NAALADL2: variants seen among roughly 807,000 people sequenced by gnomAD.
NAALADL2 encodes the protein N-acetylated alpha-linked acidic dipeptidase like 2.
A neutral mutation model predicts 87.2 loss-of-function variants in NAALADL2; 76 were observed. The ratio of observed to expected loss-of-function variants is 0.87; its 90% CI spans 0.72 to 1.05. The LOEUF (loss-of-function observed/expected upper bound fraction) is 1.05. Ranked by LOEUF, NAALADL2 falls within the 50% of genes least tolerant of loss-of-function variation. The pLI is 0.00. For missense variants in NAALADL2, 1,089 were observed against 945.8 expected, an observed-to-expected ratio of 1.15 and a Z score of -1.99; for synonymous variants, 354 against 331.0, an observed-to-expected ratio of 1.07 and a Z score of -0.75.
At chr3:175,613,046 C>T (rs950909874) in intron 10 of NAALADL2, among the ~76,000 whole-genome samples, 1 of 151,978 alleles carries the variant, frequency 6.6e-6, no homozygotes, top group Non-Finnish European at 1.5e-5. Context: ...GAGACTTTGG[C>T]GTGTCTTTCC....
At chr3:174,558,899 T>C (rs1157830016) in intron 2 of NAALADL2, among the ~76,000 whole-genome samples, 1 of 152,164 alleles carries the variant, frequency 6.6e-6, no homozygotes, top group Non-Finnish European at 1.5e-5. Context: ...CTGCTTCCCC[T>C]CCACTTGCTG....
intron 11 of NAALADL2, among the ~76,000 whole-genome samples, chr3:175,627,643 A>G (rs961717234): frequency 6.6e-6 from 1 of 151,720 alleles, no homozygotes; most frequent in African/African-American, 2.4e-5. Flanking sequence ...TATTCATGGT[A>G]TGATCTTGGG....
chr3:174,856,762 G>A (rs768514076), upstream of NAALADL2, among the ~76,000 whole-genome samples: 55 of 152,072 alleles, frequency 3.6e-4, no homozygotes, highest in Non-Finnish European at 6.8e-4. Flanking sequence ...TCTACTGTAA[G>A]AACATACCTT....
intron 1 of NAALADL2, among the ~76,000 whole-genome samples, chr3:174,901,909 A>G (rs1466559935): frequency 2.0e-5 from 3 of 152,232 alleles, no homozygotes; most frequent in South Asian, 2.1e-4. Context: ...CTTACAGAAG[A>G]ACAAGAGACT....
intron 12 of NAALADL2, among the ~76,000 whole-genome samples, chr3:175,746,321 T>TG (rs1352516411): frequency 2.0e-5 from 3 of 151,582 alleles, no homozygotes; most frequent in African/African-American, 7.3e-5. Context: ...GTTTGTTTTT[T>TG]TTTTTTTTTA....
chr3:174,776,825 A>G (rs764900632), intron 3 of NAALADL2, among the ~76,000 whole-genome samples: 18 of 152,140 alleles, frequency 1.2e-4, no homozygotes, highest in Admixed American at 1.2e-3. Context: ...CTCACCATGC[A>G]TGACAAAGCT....
chr3:175,234,200 T>G lies in NAALADL2; in HGVS notation c.815T>G (p.Leu272Arg). 2 of 1,613,218 alleles carry G rather than the reference T, an allele frequency of 1.2e-6. No individual in the cohort carries two copies. Among genetic ancestry groups the G allele is most frequent in the Admixed American group, 3.3e-5 (2 of 59,940 alleles). Residue 272 changes from leucine (L) to arginine (R), a missense_variant, in exon 3 of 14, where the codon CTC becomes CGC. Physicochemically the swap from Leu to Arg is moderately radical, Grantham distance 102. Coordinates refer to ENST00000454872, the MANE Select transcript of NAALADL2 (RefSeq NM_207015.3). ...SYAAYSAKGT[L>R]KAEVIDVSYG... ...GCAGCCTATTCTGCCAAAGGAACTC[T>G]CAAGGTAATATGACCATTTGTCTCT...
chr3:174,462,980 A>T (rs1374365455), intron 1 of NAALADL2, among the ~76,000 whole-genome samples: 1 of 152,204 alleles, frequency 6.6e-6, no homozygotes, highest in African/African-American at 2.4e-5. Flanking sequence ...CTGGGCTTTA[A>T]TTAGCCATGG....
At chr3:175,280,077 A>T (rs925125896) in intron 4 of NAALADL2, among the ~76,000 whole-genome samples, 1 of 151,692 alleles carries the variant, frequency 6.6e-6, no homozygotes, top group African/African-American at 2.4e-5. Context: ...TTTAGAGAAG[A>T]TCCTGGGAAA....
chr3:175,206,880 A>G (rs1741012631), intron 2 of NAALADL2, among the ~76,000 whole-genome samples: 1 of 152,054 alleles, frequency 6.6e-6, no homozygotes, highest in Non-Finnish European at 1.5e-5. Context: ...TTTAAAACCC[A>G]ATAAAGCTAC....
chr3:175,247,513 G>A (rs748519149), intron 3 of NAALADL2, among the ~76,000 whole-genome samples: 2 of 152,014 alleles, frequency 1.3e-5, no homozygotes, highest in Non-Finnish European at 2.9e-5. Context: ...GAAAGAGGGT[G>A]TATTTCTAAT....
At chr3:175,500,324 T>A (rs1729367992) in intron 9 of NAALADL2, among the ~76,000 whole-genome samples, 3 of 152,014 alleles carry the variant, frequency 2.0e-5, no homozygotes. Context: ...TCAAGTAAGG[T>A]ATTGAAGTAG....
At chr3:175,432,686 C>T (rs1387156829) in intron 5 of NAALADL2, among the ~76,000 whole-genome samples, 2 of 151,934 alleles carry the variant, frequency 1.3e-5, no homozygotes, top group African/African-American at 4.8e-5. Context: ...CTGTCAAAGC[C>T]AGGCTCATTC....
At chr3:175,477,548 T>C (rs1549111) in intron 9 of NAALADL2, among the ~76,000 whole-genome samples, 4,905 of 152,240 alleles carry the variant, frequency 0.032, 287 homozygotes, top group African/African-American at 0.11. Flanking sequence ...CTTAATTTAC[T>C]GTACCTTCGT....
intron 4 of NAALADL2, among the ~76,000 whole-genome samples, chr3:175,267,115 G>A (rs754897959): frequency 1.3e-5 from 2 of 151,726 alleles, no homozygotes; most frequent in Non-Finnish European, 2.9e-5. Context: ...TAACAGGCAG[G>A]CAAGCATTGT....
rs1463654066 is a variant in NAALADL2 at position 174,882,670 on chromosome 3, CAT to C, written c.43+23223_43+23224del. Among the ~76,000 whole-genome samples the C allele has an allele frequency of 1.1e-4, 13 of 120,460 alleles. 1 individual carries two copies. Among genetic ancestry groups the C allele is most frequent in the African/African-American group, 1.5e-4 (4 of 27,296 alleles). 79.0% of individuals were successfully genotyped at this position (120,460 alleles called of 152,430 possible). On this transcript the variant is annotated intron_variant, in intron 1 of 13. Transcript: ENST00000454872. ...GCATATACACATATGTGCATATACA[CAT>C]ATGTGTATATGTGTATCCGTGTATA...
intron 6 of NAALADL2, among the ~76,000 whole-genome samples, chr3:175,451,217 CT>C (rs1721516642): frequency 6.6e-6 from 1 of 152,050 alleles, no homozygotes; most frequent in African/African-American, 2.4e-5. Flanking sequence ...AGCTATCTAA[CT>C]GATACAAATC....
At chr3:175,641,620 A>T (rs1323838154) in intron 11 of NAALADL2, among the ~76,000 whole-genome samples, 3 of 152,196 alleles carry the variant, frequency 2.0e-5, no homozygotes, top group African/African-American at 7.2e-5. Context: ...TTTATTGACC[A>T]TTTGGCATAA....
chr3:175,444,814 TA>T (rs1275948903), intron 5 of NAALADL2, among the ~76,000 whole-genome samples: 1 of 152,186 alleles, frequency 6.6e-6, no homozygotes, highest in Non-Finnish European at 1.5e-5. Flanking sequence ...TGCTCTTATA[TA>T]ACAAAATGGA....
Sources: allele counts gnomAD v4.1 joint callset (sites outside exome capture counted in the v4.1 genomes callset), GRCh38; gene constraint gnomAD v4.1.1; transcripts MANE v1.5; gene names NCBI Gene and HGNC (gene_info 2026-07-23, HGNC 2026-07-21).